PRR12: variants seen among roughly 807,000 people sequenced by gnomAD.
PRR12 encodes the protein proline rich 12.
In PRR12, 12 loss-of-function variants were observed where a neutral mutation model predicts 138.0. That is an observed-to-expected ratio of 0.09 (90% confidence interval 0.06 to 0.14). The LOEUF is 0.14. Ranked by LOEUF, PRR12 falls within the 10% of genes least tolerant of loss-of-function variation. PRR12 has a pLI of 1.00. For missense variants in PRR12, 2,692 were observed against 2,861.3 expected (o/e 0.94, Z 1.35); for synonymous variants, 1,567 against 1,291.7 (o/e 1.21, Z -4.57).
intron 11 of PRR12, 136 bp from the exon 12 acceptor site, chr19:49,624,708 T>C: frequency 7.7e-7 from 1 of 1,302,062 alleles, no homozygotes; most frequent in Non-Finnish European, 1.0e-6. Context: ...GCCTCCTCTG[T>C]CCTTTGAGGA....
At chr19:49,618,410 G>A (rs111658254) in intron 9 of PRR12, among the ~76,000 whole-genome samples, 64 of 151,312 alleles carry the variant, frequency 4.2e-4, no homozygotes, top group African/African-American at 1.6e-3. Context: ...TTTTGAGACA[G>A]AGCCTCACTC....
Position 49,595,178 on chromosome 19 carries a change from C to G in PRR12, c.843C>G (p.Ala281=), listed in dbSNP as rs745372292. The change falls in exon 4 of 14, where the codon GCC becomes GCG. Residue 281 remains alanine (A), a synonymous_variant. Coordinates refer to ENST00000418929, the MANE Select transcript of PRR12 (RefSeq NM_020719.3). ...AAPGPPPPER[A]LPRQDTVIKH... Reference sequence around the variant, plus strand: ...CGGGCCCACCGCCGCCTGAGCGGGCCCTGCCACGCCAGGACACGGTCATCA... The same window carrying G: ...CGGGCCCACCGCCGCCTGAGCGGGCGCTGCCACGCCAGGACACGGTCATCA... 1.2e-6 allele frequency: 2 copies of G among 1,608,732 alleles called. No individual in the cohort carries two copies. Among genetic ancestry groups the G allele is most frequent in the African/African-American group, 2.7e-5 (2 of 74,824 alleles).
Position 49,614,405 on chromosome 19 carries a change from TTTG to T in PRR12, c.4774-121_4774-119del, listed in dbSNP as rs2080881503. On this transcript the variant is annotated intron_variant, in intron 6 of 13. Coordinates refer to ENST00000418929, the MANE Select transcript of PRR12 (RefSeq NM_020719.3). The surrounding 1 kb of genome is among the most constrained non-coding windows in gnomAD (Gnocchi z 5.0). ...GAACACATCATGGGGGTAGAAGATA[TTTG>T]TTGTTGACGTGTCTGCCTTTTCTCT... The T allele has an allele frequency of 4.8e-6, 3 of 628,912 alleles. No individual in the cohort carries two copies. The highest frequency in any genetic ancestry group is 2.8e-5 in the East Asian group (1 of 35,234). 39.0% of individuals were successfully genotyped at this position (628,912 alleles called of 1,614,324 possible).
Position 49,621,554 on chromosome 19 carries a change from A to G in PRR12, c.5653A>G (p.Ile1885Val). 6.2e-7 allele frequency: 1 copy of G among 1,607,552 alleles called. No homozygotes were observed. The highest frequency in any genetic ancestry group is 8.5e-7 in the Non-Finnish European group (1 of 1,177,280). The stretch of plus-strand genomic sequence containing the variant: ...GCTGTACCTGCCCCCCATGCGGAAG[A>G]TAGACGGCCTGCTGAATGAGCACAA... ...DELYLPPMRK[I>V]DGLLNEHKKK... Residue 1885 changes from isoleucine to valine, a missense_variant, in exon 11 of 14, where the codon ATA (isoleucine) becomes GTA (valine). By Grantham distance (29) the Ile-to-Val change is conservative. Around this residue, in one of 11 missense-constraint regions of PRR12, gnomAD observed 116 missense variants for 243.4 expected, o/e 0.48. Coordinates refer to ENST00000418929, the MANE Select transcript of PRR12 (RefSeq NM_020719.3).
rs1352351466 is a variant in PRR12, at chr19:49,616,048, C to A, written c.5326C>A (p.Pro1776Thr). 5 of 1,560,194 alleles carry A rather than the reference C, an allele frequency of 3.2e-6. No individual in the cohort carries two copies. The highest frequency in any genetic ancestry group is 4.3e-6 in the Non-Finnish European group (5 of 1,152,676). Residue 1776 changes from proline (P) to threonine (T), a missense_variant, in exon 9 of 14, where the codon CCT becomes ACT. Physicochemically the swap from Pro to Thr is conservative, Grantham distance 38. Coordinates refer to ENST00000418929, the MANE Select transcript of PRR12 (RefSeq NM_020719.3). This position sits in a 1 kb window ranked among gnomAD's most constrained non-coding sequence, Gnocchi z 4.2. ...RPERSLATGQPATSRLPKARP... is the reference protein window; with the variant it reads ...RPERSLATGQTATSRLPKARP... ...AGAGCGGAGTCTCGCCACGGGACAA[C>A]CTGCCACATCCCGGCTGCCCAAAGC...
At position 49,614,765 on chromosome 19, in the gene PRR12, C is replaced by A; in HGVS notation, c.4891-111C>A. On this transcript the variant is annotated intron_variant, in intron 7 of 13. Coordinates refer to ENST00000418929, the MANE Select transcript of PRR12 (RefSeq NM_020719.3). This position sits in a 1 kb window ranked among gnomAD's most constrained non-coding sequence, Gnocchi z 5.0. ...CACAGTGTATCTGGAAGGGGGCCCCCTGCTGCCGGCAGGCTCCAAGCAGCT... is the reference window on the plus strand; with the variant it reads ...CACAGTGTATCTGGAAGGGGGCCCCATGCTGCCGGCAGGCTCCAAGCAGCT... 6.5e-7 allele frequency: 1 copy of A among 1,539,446 alleles called. No homozygotes were observed. Among genetic ancestry groups the A allele is most frequent in the South Asian group, 1.2e-5 (1 of 85,168 alleles).
intron 6 of PRR12, among the ~76,000 whole-genome samples, chr19:49,606,645 CTTT>C (rs1230626073): frequency 3.1e-5 from 4 of 128,130 alleles, no homozygotes; most frequent in Admixed American, 7.9e-5. Flanking sequence ...TACCATCTCT[CTTT>C]TTTTTTTTTT....
Position 49,601,841 on chromosome 19 carries a change from G to A in PRR12, c.4696G>A (p.Gly1566Ser), listed in dbSNP as rs779236276. 57 of 1,612,710 alleles carry A rather than the reference G, an allele frequency of 3.5e-5. No individual in the cohort carries two copies. The highest frequency in any genetic ancestry group is 6.7e-5 in the Admixed American group (4 of 59,996). Residue 1566 changes from glycine to serine, a missense_variant, in exon 6 of 14, where the codon GGC (glycine) becomes AGC (serine). Around this residue, in one of 11 missense-constraint regions of PRR12, gnomAD observed 92 missense variants for 174.1 expected, o/e 0.53. Transcript: ENST00000418929. ...GTGTGGGGAGACGGACGAGGAGGCCGGCGAGAGTGGCGGAGAGGGCATCTT... is the reference window on the plus strand; with the variant it reads ...GTGTGGGGAGACGGACGAGGAGGCCAGCGAGAGTGGCGGAGAGGGCATCTT... ...AVCGETDEEA[G>S]ESGGEGIFRE...
At position 49,616,145 on chromosome 19, in the gene PRR12, A is replaced by T; in HGVS notation, c.5423A>T (p.Asn1808Ile). Residue 1808 changes from asparagine (N) to isoleucine (I), a missense_variant, in exon 9 of 14, where the codon AAC becomes ATC. By Grantham distance (149) the Asn-to-Ile change is moderately radical (BLOSUM62 -3). This residue lies in a region of PRR12 where 259 missense variants were observed against 265.1 expected (regional missense o/e 0.98). Transcript: ENST00000418929. The surrounding 1 kb of genome is among the most constrained non-coding windows in gnomAD (Gnocchi z 4.2). Reference sequence around the variant, plus strand: ...AAATGGCTGAAGGAGGCAGGCGGCAACGCTACAGCAGGCGGGGGCCCACCA... The same window carrying T: ...AAATGGCTGAAGGAGGCAGGCGGCATCGCTACAGCAGGCGGGGGCCCACCA... ...RKKWLKEAGG[N>I]ATAGGGPPGS... is the part of the protein sequence containing the mutation. 6.4e-7 allele frequency: 1 copy of T among 1,565,460 alleles called. No homozygotes were observed. Among genetic ancestry groups the T allele is most frequent in the Non-Finnish European group, 8.7e-7 (1 of 1,155,562 alleles).
At chr19:49,619,611 G>C (rs1449825258) in intron 9 of PRR12, among the ~76,000 whole-genome samples, 1 of 107,880 alleles carries the variant, frequency 9.3e-6, no homozygotes, top group Non-Finnish European at 1.8e-5. Context: ...GTGCGATCTC[G>C]GCTCACCGCA....
chr19:49,613,170 T>C (rs1048867302), intron 6 of PRR12, among the ~76,000 whole-genome samples: 2 of 151,472 alleles, frequency 1.3e-5, no homozygotes, highest in Admixed American at 1.3e-4. Flanking sequence ...AAACCCCTTC[T>C]CTACTAAAAA....
In PRR12 at chr19:49,597,747, G is replaced by C. The variant is rs770722383; in HGVS notation, c.3412G>C (p.Gly1138Arg). 1.2e-6 allele frequency: 2 copies of C among 1,607,564 alleles called. No homozygotes were observed. The highest frequency in any genetic ancestry group is 2.2e-5 in the South Asian group (2 of 90,052). The change falls in exon 4 of 14, where the codon GGG (glycine) becomes CGG (arginine). Residue 1138 changes from glycine to arginine, a missense_variant. Physicochemically the swap from Gly to Arg is moderately radical, Grantham distance 125 (BLOSUM62 -2). Around this residue, in one of 11 missense-constraint regions of PRR12, gnomAD observed 326 missense variants for 344.2 expected, o/e 0.95. Coordinates refer to ENST00000418929, the MANE Select transcript of PRR12 (RefSeq NM_020719.3). The surrounding 1 kb of genome is among the most constrained non-coding windows in gnomAD (Gnocchi z 6.3). ...CTCCCGTCCGGCCCTCTCGCCACTG[G>C]GGGACATCGACTTCTGCCCACCCAA... ...CRSRPALSPL[G>R]DIDFCPPNPG...
chr19:49,612,687 CAG>C (rs1350478976), intron 6 of PRR12, among the ~76,000 whole-genome samples: 1 of 151,982 alleles, frequency 6.6e-6, no homozygotes, highest in Non-Finnish European at 1.5e-5. Flanking sequence ...CTTTTTGAGA[CAG>C]GGTCTTGCTC....
intron 1 of PRR12, among the ~76,000 whole-genome samples, 195 bp from the exon 2 acceptor site, chr19:49,593,132 G>T (rs1361457327): frequency 6.6e-6 from 1 of 152,038 alleles, no homozygotes; most frequent in Non-Finnish European, 1.5e-5. Context: ...CTGGAGTGGG[G>T]GCCATTTCTG....
chr19:49,597,434 C>T lies in PRR12; in HGVS notation c.3099C>T (p.Gly1033=). The change falls in exon 4 of 14, where the codon GGC becomes GGT. Residue 1033 remains glycine (G), a synonymous_variant. Transcript: ENST00000418929. The surrounding 1 kb of genome is among the most constrained non-coding windows in gnomAD (Gnocchi z 6.3). ...NAEPLGLIQS[G]PHQAAPPPPP... is the part of the protein sequence containing the mutation. ...AGCCGCTGGGCCTGATCCAGAGTGG[C>T]CCCCACCAGGCGGCGCCACCACCCC... is the stretch of plus-strand genomic sequence containing the variant. 6.5e-7 allele frequency: 1 copy of T among 1,538,254 alleles called. No homozygotes were observed. Among genetic ancestry groups the T allele is most frequent in the Non-Finnish European group, 8.7e-7 (1 of 1,145,710 alleles).
In PRR12 at chr19:49,601,616, C is replaced by T; in HGVS notation, c.4471C>T (p.Pro1491Ser). The T allele has an allele frequency of 6.5e-7, 1 of 1,542,470 alleles. No individual in the cohort carries two copies. Among genetic ancestry groups the T allele is most frequent in the Non-Finnish European group, 8.7e-7 (1 of 1,145,434 alleles). ...GCCCTCGCCACCCCCGCTGGTGGCC[C>T]CCACGCCCAGCTCACCACCGCCACC... ...ALPSPPPLVAPTPSSPPPPPL... is the reference protein window; with the variant it reads ...ALPSPPPLVASTPSSPPPPPL... Residue 1491 changes from proline (P) to serine (S), a missense_variant, in exon 6 of 14, where the codon CCC (proline) becomes TCC (serine). Physicochemically the swap from Pro to Ser is moderately conservative, Grantham distance 74. This residue lies in a region of PRR12 where 231 missense variants were observed against 200.8 expected (regional missense o/e 1.15). Transcript: ENST00000418929.
chr19:49,608,030 A>G (rs2080847425), intron 6 of PRR12, among the ~76,000 whole-genome samples: 1 of 152,180 alleles, frequency 6.6e-6, no homozygotes, highest in African/African-American at 2.4e-5. Context: ...AAAAAAAGTA[A>G]AAGAAAAACT....
chr19:49,618,065 T>C (rs2080902004), intron 9 of PRR12, among the ~76,000 whole-genome samples: 1 of 152,124 alleles, frequency 6.6e-6, no homozygotes, highest in African/African-American at 2.4e-5. Flanking sequence ...GCCATTGCAT[T>C]CCAGCCTGGG....
chr19:49,601,868 C>T lies in PRR12; in HGVS notation c.4723C>T (p.Arg1575Trp), dbSNP rs868765488. Residue 1575 changes from arginine to tryptophan, a missense_variant, in exon 6 of 14, where the codon CGG (arginine) becomes TGG (tryptophan). By Grantham distance (101) the Arg-to-Trp change is moderately radical. Coordinates refer to ENST00000418929, the MANE Select transcript of PRR12 (RefSeq NM_020719.3). ...AGESGGEGIF[R>W]ERDEFVIRAE... ...CGAGAGTGGCGGAGAGGGCATCTTCCGGGAACGGGACGAGTTCGTCATCCG... is the reference window on the plus strand; with the variant it reads ...CGAGAGTGGCGGAGAGGGCATCTTCTGGGAACGGGACGAGTTCGTCATCCG... The T allele has an allele frequency of 6.2e-7, 1 of 1,612,514 alleles. No individual in the cohort carries two copies. Among genetic ancestry groups the T allele is most frequent in the Non-Finnish European group, 8.5e-7 (1 of 1,179,830 alleles).
Sources: allele counts gnomAD v4.1 joint callset (sites outside exome capture counted in the v4.1 genomes callset), GRCh38; gene constraint gnomAD v4.1.1; regional missense constraint gnomAD v4.1.1; non-coding constraint Gnocchi (gnomAD v3.1); transcripts MANE v1.5; gene names NCBI Gene and HGNC (gene_info 2026-07-23, HGNC 2026-07-21).